Variants in TRPS1 observed in about 807,000 individuals in gnomAD.
TRPS1 encodes transcriptional repressor GATA binding 1.
A neutral mutation model predicts 101.2 loss-of-function variants in TRPS1; 6 were observed. The observed-to-expected ratio is 0.06, with a 90% CI of 0.03 to 0.12. The LOEUF (loss-of-function observed/expected upper bound fraction) is 0.12, where lower values mean the gene tolerates loss of function less well. TRPS1 is among the 10% of genes least tolerant of loss of function. TRPS1 has a pLI of 1.00. For missense variants in TRPS1, 1,363 were observed against 1,567.0 expected, an observed-to-expected ratio of 0.87 and a Z score of 2.20; for synonymous variants, 578 against 589.8, an observed-to-expected ratio of 0.98 and a Z score of 0.29.
chr8:115,484,346 G>C (rs1001661333), intron 5 of TRPS1, among the ~76,000 whole-genome samples: 1 of 151,900 alleles, frequency 6.6e-6, no homozygotes, highest in African/African-American at 2.4e-5. Context: ...TAATATTAAA[G>C]ATTCAAAAAA....
chr8:115,450,197 T>C (rs1015564947), intron 5 of TRPS1, among the ~76,000 whole-genome samples: 1 of 152,184 alleles, frequency 6.6e-6, no homozygotes, highest in African/African-American at 2.4e-5. Context: ...AAGTAAGTTA[T>C]TTCTGAAATT....
chr8:115,654,500 A>C (rs1047138528), intron 1 of TRPS1, among the ~76,000 whole-genome samples: 6 of 152,188 alleles, frequency 3.9e-5, no homozygotes, highest in African/African-American at 1.4e-4. Context: ...CAGTTTTTCA[A>C]CCTGCCAAGG....
chr8:115,564,406 G>A (rs1817018290), intron 5 of TRPS1, among the ~76,000 whole-genome samples: 4 of 151,970 alleles, frequency 2.6e-5, no homozygotes, highest in Admixed American at 2.6e-4. Flanking sequence ...ATCACTGGTA[G>A]GGGAAACAAA....
chr8:115,448,509 C>T (rs551937357), intron 5 of TRPS1, among the ~76,000 whole-genome samples: 21 of 152,060 alleles, frequency 1.4e-4, no homozygotes, highest in African/African-American at 4.3e-4. Context: ...GCTCTCTTTC[C>T]GGCTATTCTT....
chr8:115,418,593 A>G lies in TRPS1; in HGVS notation c.2701-141T>C. On this transcript the variant is annotated intron_variant, in intron 5 of 6. Coordinates refer to ENST00000395715, the MANE Select transcript of TRPS1 (RefSeq NM_014112.5). The surrounding 1 kb of genome is among the most constrained non-coding windows in gnomAD (Gnocchi z 4.3). ...ACTGCCCATAATGAGGTCAGGTTCAATTGTGTTTAATAGGCACCACTGATT... is the reference window on the plus strand; with the variant it reads ...ACTGCCCATAATGAGGTCAGGTTCAGTTGTGTTTAATAGGCACCACTGATT... The G allele has an allele frequency of 9.0e-7, 1 of 1,111,804 alleles. No homozygotes were observed. The highest frequency in any genetic ancestry group is 1.3e-6 in the Non-Finnish European group (1 of 744,512). The allele number at this position is 1,111,804 out of a possible 1,614,324, so 68.9% of individuals were successfully genotyped here. A position where few individuals can be genotyped will look rare whatever the true frequency, so the allele number is the denominator to read the frequency against.
intron 1 of TRPS1, among the ~76,000 whole-genome samples, chr8:115,666,849 A>G (rs943274778): frequency 7.5e-6 from 1 of 132,746 alleles, no homozygotes; most frequent in South Asian, 2.3e-4. Context: ...TTTTGTACTT[A>G]TTATCTCTCC....
At chr8:115,438,699 T>C (rs987886355) in intron 5 of TRPS1, among the ~76,000 whole-genome samples, 1 of 152,094 alleles carries the variant, frequency 6.6e-6, no homozygotes, top group Non-Finnish European at 1.5e-5. Flanking sequence ...CTCATCGGCT[T>C]TGAGATTTAC....
At chr8:115,627,127 G>T (rs1372421962) in intron 1 of TRPS1, among the ~76,000 whole-genome samples, 1 of 151,566 alleles carries the variant, frequency 6.6e-6, no homozygotes, top group Non-Finnish European at 1.5e-5. Flanking sequence ...ACTAACTAGG[G>T]AAACTAAAAT....
intron 5 of TRPS1, among the ~76,000 whole-genome samples, chr8:115,569,444 C>G (rs1224556762): frequency 2.6e-5 from 4 of 152,012 alleles, no homozygotes; most frequent in African/African-American, 4.8e-5. Context: ...TAAATATAAC[C>G]TGTACTTTTA....
In TRPS1 at chr8:115,460,443, G is replaced by GT. The variant is rs748989774; in HGVS notation, c.2701-41992dup. On this transcript the variant is annotated intron_variant, in intron 5 of 6. Coordinates refer to ENST00000395715, the MANE Select transcript of TRPS1 (RefSeq NM_014112.5). ...TCTGGAGTTAAAACAAAAAATCAGG[G>GT]TTTTTTTCCTATATAATCTTGGGAT... Among the ~76,000 whole-genome samples the GT allele has an allele frequency of 1.4e-4, 22 of 151,768 alleles. 1 individual carries two copies. Among genetic ancestry groups the GT allele is most frequent in the Admixed American group, 6.6e-4 (10 of 15,220 alleles).
chr8:115,577,082 C>G (rs954631383), intron 5 of TRPS1, among the ~76,000 whole-genome samples: 2 of 151,996 alleles, frequency 1.3e-5, no homozygotes, highest in African/African-American at 4.8e-5. Flanking sequence ...GCCAGTATTG[C>G]CTTCAATTAT....
chr8:115,660,560 T>A (rs1811769397), intron 1 of TRPS1, among the ~76,000 whole-genome samples: 1 of 151,768 alleles, frequency 6.6e-6, no homozygotes, highest in Non-Finnish European at 1.5e-5. Context: ...GAATACAAAG[T>A]AATTAACAGA....
intron 5 of TRPS1, among the ~76,000 whole-genome samples, chr8:115,469,768 A>G (rs747491791): frequency 3.9e-5 from 6 of 152,124 alleles, no homozygotes; most frequent in Non-Finnish European, 7.4e-5. Flanking sequence ...AACTCAGGTG[A>G]TCTGCCCACT....
At chr8:115,442,414 ACTT>A (rs1813621045) in intron 5 of TRPS1, among the ~76,000 whole-genome samples, 2 of 151,894 alleles carry the variant, frequency 1.3e-5, no homozygotes, top group African/African-American at 2.4e-5. Context: ...GGTTGATACT[ACTT>A]TGGAAAATTC....
Position 115,570,427 on chromosome 8 carries a change from T to C in TRPS1, c.2700+16574A>G, listed in dbSNP as rs1817173389. Among the ~76,000 whole-genome samples, 3 of 152,054 alleles carry C rather than the reference T, an allele frequency of 2.0e-5. No homozygotes were observed. The South Asian group carries it at 6.2e-4, about 31-fold the overall frequency. On this transcript the variant is annotated intron_variant, in intron 5 of 6. Transcript: ENST00000395715. ...ATTTTAAAAAATGCATATTTCCTCATATAATTCTATTCCATTAAAGATATA... is the reference window on the plus strand; with the variant it reads ...ATTTTAAAAAATGCATATTTCCTCACATAATTCTATTCCATTAAAGATATA...
At chr8:115,445,424 A>C (rs1422472645) in intron 5 of TRPS1, among the ~76,000 whole-genome samples, 1 of 152,180 alleles carries the variant, frequency 6.6e-6, no homozygotes, top group African/African-American at 2.4e-5. Flanking sequence ...TCTGTTGAAG[A>C]ATTTCACTAT....
At chr8:115,527,305 G>T (rs1816022891) in intron 5 of TRPS1, among the ~76,000 whole-genome samples, 2 of 151,790 alleles carry the variant, frequency 1.3e-5, no homozygotes, top group African/African-American at 4.8e-5. Context: ...TCGTTTAGGT[G>T]AGTACATTAC....
chr8:115,446,432 C>G (rs1813738957), intron 5 of TRPS1, among the ~76,000 whole-genome samples: 1 of 151,872 alleles, frequency 6.6e-6, no homozygotes, highest in Non-Finnish European at 1.5e-5. Context: ...CCTGCAGGAC[C>G]TTGTCTAGTA....
chr8:115,592,742 T>A (rs1196933013), intron 4 of TRPS1, among the ~76,000 whole-genome samples: 1 of 152,200 alleles, frequency 6.6e-6, no homozygotes, highest in Non-Finnish European at 1.5e-5. Flanking sequence ...GGGATTTCAT[T>A]CAAATTCATA....
Sources: allele counts gnomAD v4.1 joint callset (sites outside exome capture counted in the v4.1 genomes callset), GRCh38; gene constraint gnomAD v4.1.1; non-coding constraint Gnocchi (gnomAD v3.1); transcripts MANE v1.5; gene names NCBI Gene and HGNC (gene_info 2026-07-23, HGNC 2026-07-21).